Variants in TOX observed in about 807,000 individuals in gnomAD.
The protein encoded by TOX is thymocyte selection associated high mobility group box, also known as thymocyte selection-associated high mobility group box protein TOX.
TOX carries 11 observed loss-of-function variants against 53.7 expected under a neutral mutation model. The observed-to-expected ratio is 0.20, with a 90% CI of 0.13 to 0.34. The LOEUF (loss-of-function observed/expected upper bound fraction) is 0.34. TOX is among the 10% of genes least tolerant of loss of function. The pLI, the probability that TOX is intolerant of heterozygous loss-of-function variation, is 1.00. For missense variants in TOX, 570 were observed against 664.6 expected, an observed-to-expected ratio of 0.86 and a Z score of 1.56; for synonymous variants, 225 against 245.3, an observed-to-expected ratio of 0.92 and a Z score of 0.77.
chr8:58,953,428 A>T lies in TOX; in HGVS notation c.168+6515T>A, dbSNP rs150310548. 4.9e-3 allele frequency among the ~76,000 whole-genome samples: 753 copies of T among 152,350 alleles called. 1 individual carries two copies. The highest frequency in any genetic ancestry group is 0.017 in the African/African-American group (696 of 41,574). ...AGTAACTTGTGTGCTCAAGTGAAGCATCTTTTTAATTTTGAGTAATGAAGA... is the reference window on the plus strand; with the variant it reads ...AGTAACTTGTGTGCTCAAGTGAAGCTTCTTTTTAATTTTGAGTAATGAAGA... On this transcript the variant is annotated intron_variant, in intron 2 of 8. Coordinates refer to ENST00000361421, the MANE Select transcript of TOX (RefSeq NM_014729.3).
chr8:58,902,969 C>T (rs1811754705), intron 3 of TOX, among the ~76,000 whole-genome samples: 1 of 152,228 alleles, frequency 6.6e-6, no homozygotes, highest in African/African-American at 2.4e-5. Flanking sequence ...CCCTCTGTCT[C>T]TCTCTAAATC....
In TOX at chr8:58,884,236, C is replaced by T. The variant is rs772865261; in HGVS notation, c.412-32431G>A. On this transcript the variant is annotated intron_variant, in intron 3 of 8. Coordinates refer to ENST00000361421, the MANE Select transcript of TOX (RefSeq NM_014729.3). ...AGCTTTAAGCTTTGAAAGCTGACAA[C>T]AATCCCTGGCATTGATAAAGGGATG... 2.9e-4 allele frequency among the ~76,000 whole-genome samples: 44 copies of T among 152,246 alleles called. No individual in the cohort carries two copies. The Middle Eastern group carries it at 0.02, about 71-fold the overall frequency.
chr8:58,894,268 G>A (rs1467430232), intron 3 of TOX, among the ~76,000 whole-genome samples: 3 of 152,312 alleles, frequency 2.0e-5, no homozygotes, highest in Middle Eastern at 3.4e-3. Flanking sequence ...TGCAGGTACT[G>A]CACAAACATT....
In TOX at chr8:58,863,934, G is replaced by C. The variant is rs1349982759; in HGVS notation, c.412-12129C>G. On this transcript the variant is annotated intron_variant, in intron 3 of 8. Transcript: ENST00000361421. ...AGAATAATGCTGCAACAAGGAGTCT[G>C]TCTGCATTGCATTAAAATTGCAGTG... Among the ~76,000 whole-genome samples, 5 of 152,224 alleles carry C rather than the reference G, an allele frequency of 3.3e-5. No individual in the cohort carries two copies. The East Asian group carries it at 5.8e-4, about 18-fold the overall frequency.
At chr8:59,086,681 T>C (rs139133980) in intron 1 of TOX, among the ~76,000 whole-genome samples, 99 of 152,336 alleles carry the variant, frequency 6.5e-4, no homozygotes, top group African/African-American at 2.3e-3. Context: ...GTCAGGCAAA[T>C]TGGCCCAGGT....
chr8:59,042,706 T>C lies in TOX; in HGVS notation c.102+76180A>G, dbSNP rs1210560974. Among the ~76,000 whole-genome samples the C allele has an allele frequency of 5.3e-5, 8 of 152,244 alleles. 1 individual carries two copies. The East Asian group carries it at 1.5e-3, about 29-fold the overall frequency. On this transcript the variant is annotated intron_variant, in intron 1 of 8. Transcript: ENST00000361421. ...GCTGAAGCCATAAATGAAGTGTGAC[T>C]CTAAAGTAATATAGCTAATTTTTAA...
intron 3 of TOX, among the ~76,000 whole-genome samples, chr8:58,892,962 C>T (rs190180276): frequency 3.0e-3 from 449 of 152,196 alleles, no homozygotes; most frequent in Non-Finnish European, 5.5e-3. Flanking sequence ...GTGTAATTAC[C>T]AAGTCTTAGA....
intron 3 of TOX, among the ~76,000 whole-genome samples, chr8:58,855,115 GTTCT>G (rs1810892410): frequency 1.3e-5 from 2 of 152,032 alleles, no homozygotes; most frequent in Admixed American, 1.3e-4. Flanking sequence ...TGCAATGGTT[GTTCT>G]TTCTGATTCT....
intron 1 of TOX, among the ~76,000 whole-genome samples, chr8:58,978,204 A>G (rs979123982): frequency 6.6e-5 from 10 of 151,806 alleles, no homozygotes; most frequent in Admixed American, 6.6e-4. Context: ...TCTGCCTGGG[A>G]TCTTAGATAG....
At chr8:58,975,165 C>A (rs1466167295) in intron 1 of TOX, among the ~76,000 whole-genome samples, 1 of 150,510 alleles carries the variant, frequency 6.6e-6, no homozygotes, top group Non-Finnish European at 1.5e-5. Flanking sequence ...TATATACTTA[C>A]AGAGAAATGT....
intron 3 of TOX, among the ~76,000 whole-genome samples, chr8:58,855,911 A>C (rs1303284959): frequency 6.6e-6 from 1 of 152,156 alleles, no homozygotes; most frequent in East Asian, 1.9e-4. Flanking sequence ...GTCTAAAGTT[A>C]TTAAAAAGAG....
chr8:59,068,214 G>T (rs1804129443), intron 1 of TOX, among the ~76,000 whole-genome samples: 1 of 152,024 alleles, frequency 6.6e-6, no homozygotes, highest in African/African-American at 2.4e-5. Flanking sequence ...CATTAACTCT[G>T]AACGGTGAAA....
chr8:58,975,315 A>G (rs977099473), intron 1 of TOX, among the ~76,000 whole-genome samples: 1 of 152,018 alleles, frequency 6.6e-6, no homozygotes, highest in African/African-American at 2.4e-5. Flanking sequence ...CTTTAGAGCA[A>G]TATAAAGTCA....
intron 2 of TOX, among the ~76,000 whole-genome samples, chr8:58,948,805 C>T (rs1330429613): frequency 3.3e-5 from 5 of 151,692 alleles, no homozygotes; most frequent in African/African-American, 1.2e-4. Context: ...TTATAAATAA[C>T]CCATGTTAAC....
chr8:59,019,555 T>A (rs1377905256), intron 1 of TOX, among the ~76,000 whole-genome samples: 2 of 152,172 alleles, frequency 1.3e-5, no homozygotes, highest in Non-Finnish European at 2.9e-5. Context: ...CAAAAATGAT[T>A]GCCTAGCCAA....
chr8:58,925,622 C>A (rs1812145872), intron 3 of TOX, among the ~76,000 whole-genome samples: 1 of 152,192 alleles, frequency 6.6e-6, no homozygotes, highest in Non-Finnish European at 1.5e-5. Flanking sequence ...TGCTTCTGCA[C>A]CTAGGACGAG....
chr8:59,074,784 GA>G (rs1804263483), intron 1 of TOX, among the ~76,000 whole-genome samples: 1 of 152,132 alleles, frequency 6.6e-6, no homozygotes, highest in African/African-American at 2.4e-5. Flanking sequence ...CAGCAGCGTG[GA>G]AAAGACAAAG....
At chr8:59,114,992 C>T (rs1056688945) in intron 1 of TOX, among the ~76,000 whole-genome samples, 9 of 152,018 alleles carry the variant, frequency 5.9e-5, no homozygotes, top group South Asian at 2.1e-4. Flanking sequence ...TGCGTTTTTA[C>T]GAAAAAGAAC....
chr8:59,050,189 T>C (rs1156379450), intron 1 of TOX, among the ~76,000 whole-genome samples: 2 of 152,136 alleles, frequency 1.3e-5, no homozygotes, highest in Admixed American at 6.5e-5. Context: ...TTTTGTTCTA[T>C]TGTCAAAGTT....
Sources: allele counts gnomAD v4.1 joint callset (sites outside exome capture counted in the v4.1 genomes callset), GRCh38; gene constraint gnomAD v4.1.1; transcripts MANE v1.5; gene names NCBI Gene and HGNC (gene_info 2026-07-23, HGNC 2026-07-21).